The following F3 variants were observed in gnomAD, a reference collection of about 807,000 sequenced individuals.
The protein encoded by F3 is coagulation factor III, tissue factor, also known as tissue factor.
Under a neutral mutation model 33.5 loss-of-function variants are expected in F3, and 18 were observed. The observed-to-expected ratio is 0.54, with a 90% CI of 0.37 to 0.80. F3 has a LOEUF of 0.80. Ranked by LOEUF, F3 falls within the 30% of genes least tolerant of loss-of-function variation. The pLI is 0.00. For missense variants in F3, 353 were observed against 362.1 expected, an observed-to-expected ratio of 0.97 and a Z score of 0.20; for synonymous variants, 147 against 140.7, an observed-to-expected ratio of 1.05 and a Z score of -0.32.
rs3917632 is a variant in F3, at chr1:94,530,222, G to A, written c.*238C>T. ...GCATGTTATGTGCAAAAGGTGCCAT[G>A]GTGTTAAAAATTAAAACTTGGAATT... is the stretch of plus-strand genomic sequence containing the variant. On this transcript the variant is annotated 3_prime_UTR_variant, in exon 6 of 6. Coordinates refer to ENST00000334047, the MANE Select transcript of F3 (RefSeq NM_001993.5). 9.6e-3 allele frequency: 4,189 copies of A among 437,254 alleles called. 177 individuals are homozygous for A. The highest frequency in any genetic ancestry group is 0.075 in the African/African-American group (3,807 of 51,010). 27.1% of individuals were successfully genotyped at this position (437,254 alleles called of 1,614,324 possible).
At chr1:94,537,267 C>T (rs1651633222) in intron 2 of F3, among the ~76,000 whole-genome samples, 1 of 152,210 alleles carries the variant, frequency 6.6e-6, no homozygotes, top group Admixed American at 6.5e-5. Flanking sequence ...TGAAGCGTCA[C>T]TGCAACTTGA....
rs1467824479 is a variant in F3 at position 94,536,046 on chromosome 1, G to A, written c.331C>T (p.Pro111Ser). Residue 111 changes from proline (P) to serine (S), a missense_variant, in exon 3 of 6, where the codon CCG (proline) becomes TCG (serine). Physicochemically the swap from Pro to Ser is moderately conservative, Grantham distance 74. Transcript: ENST00000334047. ...CCGGTGCTCTCCACATTCCCTGCCG[G>A]GTAGGAGAAGACCCGTGCCAAGTAC... ...QTYLARVFSY[P>S]AGNVESTGSA... The A allele has an allele frequency of 1.2e-6, 2 of 1,614,074 alleles. No individual in the cohort carries two copies. Among genetic ancestry groups the A allele is most frequent in the Non-Finnish European group, 1.7e-6 (2 of 1,180,008 alleles).
intron 4 of F3, 107 bp from the exon 5 acceptor site, chr1:94,532,587 G>T: frequency 8.5e-7 from 1 of 1,176,442 alleles, no homozygotes; most frequent in African/African-American, 1.5e-5. Flanking sequence ...AAGCCTACAA[G>T]AACACAGCTG....
Position 94,541,648 on chromosome 1 carries a change from G to A in F3, c.-12C>T. The A allele has an allele frequency of 7.2e-7, 1 of 1,394,678 alleles. No individual in the cohort carries two copies. The highest frequency in any genetic ancestry group is 9.4e-7 in the Non-Finnish European group (1 of 1,067,336). The allele number at this position is 1,394,678 out of a possible 1,614,324, so 86.4% of individuals were successfully genotyped here. A position where few individuals can be genotyped will look rare whatever the true frequency, so the allele number is the denominator to read the frequency against. Reference sequence around the variant, plus strand: ...GCAGGGGTCTCCATGTCTACCAGTTGGCGGCGAGATCGAGCGGGTTCCGTG... The same window carrying A: ...GCAGGGGTCTCCATGTCTACCAGTTAGCGGCGAGATCGAGCGGGTTCCGTG... On this transcript the variant is annotated 5_prime_UTR_variant, in exon 1 of 6. Transcript: ENST00000334047.
Position 94,530,144 on chromosome 1 carries a change from G to T in F3, c.*316C>A. On this transcript the variant is annotated 3_prime_UTR_variant, in exon 6 of 6. Transcript: ENST00000334047. ...GATTTTTTAAGACATTTTCCCATTTGTTTTTGCTTGGACGACCTGGTTACT... is the reference window on the plus strand; with the variant it reads ...GATTTTTTAAGACATTTTCCCATTTTTTTTTGCTTGGACGACCTGGTTACT... The T allele has an allele frequency of 6.2e-6, 1 of 160,014 alleles. No homozygotes were observed. Among genetic ancestry groups the T allele is most frequent in the Non-Finnish European group, 1.3e-5 (1 of 77,250 alleles). The allele number at this position is 160,014 out of a possible 1,614,324, so 9.9% of individuals were successfully genotyped here.
chr1:94,541,126 T>C (rs1379867065), intron 1 of F3: 1 of 167,910 alleles, frequency 6.0e-6, no homozygotes, highest in Non-Finnish European at 1.3e-5. Flanking sequence ...AAGATGCACA[T>C]ATAATGAAAG....
chr1:94,533,350 C>G, intron 3 of F3, 82 bp from the exon 4 acceptor site: 2 of 1,489,768 alleles, frequency 1.3e-6, no homozygotes, highest in South Asian at 1.2e-5. Context: ...CAATTGACAA[C>G]TTAATTATCT....
chr1:94,532,918 G>A, intron 4 of F3, 172 bp downstream of exon 4: 1 of 665,306 alleles, frequency 1.5e-6, no homozygotes, highest in Non-Finnish European at 2.5e-6. Context: ...AGAGTCACAG[G>A]TAGGACCAGG....
At chr1:94,539,982 A>G (rs1327387957) in intron 2 of F3, among the ~76,000 whole-genome samples, 2 of 152,212 alleles carry the variant, frequency 1.3e-5, no homozygotes, top group South Asian at 2.1e-4. Flanking sequence ...CCTACTCAAG[A>G]TGGTTCATCT....
At position 94,541,603 on chromosome 1, in the gene F3, G is replaced by C. The variant is rs937132061; in HGVS notation, c.34C>G (p.Pro12Ala). 2.7e-6 allele frequency: 4 copies of C among 1,463,538 alleles called. No homozygotes were observed. Among genetic ancestry groups the C allele is most frequent in the Non-Finnish European group, 2.7e-6 (3 of 1,107,238 alleles). 90.7% of individuals were successfully genotyped at this position (1,463,538 alleles called of 1,614,324 possible). Residue 12 changes from proline (P) to alanine (A), a missense_variant, in exon 1 of 6, where the codon CCC becomes GCC. Transcript: ENST00000334047. ...AGCGTCCGAGCGACGGCGGTCTCGG[G>C]GCGCGGGACCCGGGGCCAGGCAGGG... ...ETPAWPRVPR[P>A]ETAVARTLLL...
At chr1:94,532,513 G>T in intron 4 of F3, 33 bp from the exon 5 acceptor site, 1 of 1,608,234 alleles carries the variant, frequency 6.2e-7, no homozygotes, top group Non-Finnish European at 8.5e-7. Flanking sequence ...ATTCATCTGG[G>T]CTCTGAGTCA....
At chr1:94,539,640 G>T (rs1368481150) in intron 2 of F3, among the ~76,000 whole-genome samples, 37 of 152,116 alleles carry the variant, frequency 2.4e-4, no homozygotes, top group Non-Finnish European at 2.9e-5. Flanking sequence ...TCGCCTCCTG[G>T]GGACAGCTGC....
At chr1:94,539,408 C>G (rs1035366681) in intron 2 of F3, among the ~76,000 whole-genome samples, 4 of 152,204 alleles carry the variant, frequency 2.6e-5, no homozygotes, top group Admixed American at 6.5e-5. Context: ...AGGCCTGGCA[C>G]AAGCTAAAAC....
In F3 at chr1:94,536,098, GT is replaced by G. The variant is rs1355195413; in HGVS notation, c.278del (p.Asp93AlafsTer4). 6.2e-7 allele frequency: 1 copy of G among 1,614,082 alleles called. No individual in the cohort carries two copies. The highest frequency in any genetic ancestry group is 8.5e-7 in the Non-Finnish European group (1 of 1,179,990). ...YTTDTECDLT[D>X]EIVKDVKQTY... ...TCTGCTTCACATCCTTCACAATCTC[GT>G]CGGTGAGGTCACACTCTGTGTCTGT... On this transcript the variant is annotated frameshift_variant, in exon 3 of 6. Transcript: ENST00000334047. LOFTEE classifies it high-confidence loss of function.
chr1:94,531,028 T>C (rs1231466141), intron 5 of F3, among the ~76,000 whole-genome samples: 3 of 152,096 alleles, frequency 2.0e-5, no homozygotes, highest in Non-Finnish European at 2.9e-5. Flanking sequence ...CTGGTGGAAG[T>C]GGCGTTTGAA....
rs1256198341 is a variant in F3, at chr1:94,530,394, T to C, written c.*66A>G. 3.1e-6 allele frequency: 5 copies of C among 1,598,374 alleles called. No individual in the cohort carries two copies. Among genetic ancestry groups the C allele is most frequent in the African/African-American group, 1.3e-5 (1 of 74,600 alleles). On this transcript the variant is annotated 3_prime_UTR_variant, in exon 6 of 6. Transcript: ENST00000334047. ...TACTCATTTGCGTTTCCATGTATTCTATCCTCTTAAAAGTTCTCGGTCACA... is the reference window on the plus strand; with the variant it reads ...TACTCATTTGCGTTTCCATGTATTCCATCCTCTTAAAAGTTCTCGGTCACA...
At chr1:94,535,915 T>C in intron 3 of F3, 50 bp downstream of exon 3, 1 of 1,541,116 alleles carries the variant, frequency 6.5e-7, no homozygotes, top group South Asian at 1.1e-5. Context: ...CACGAGAATG[T>C]TCAGACGTTT....
intron 3 of F3, among the ~76,000 whole-genome samples, chr1:94,533,694 G>C (rs964831431): frequency 6.6e-6 from 1 of 151,840 alleles, no homozygotes; most frequent in African/African-American, 2.4e-5. Context: ...TCCTGCCGTG[G>C]CCCCTGCTCT....
intron 3 of F3, among the ~76,000 whole-genome samples, chr1:94,534,322 C>A (rs565005225): frequency 8.5e-5 from 13 of 152,232 alleles, no homozygotes; most frequent in Admixed American, 4.6e-4. Flanking sequence ...GATAGGTAGG[C>A]TATTAGTAGT....
Sources: gnomAD v4.1 joint callset for allele counts (sites outside exome capture counted in the v4.1 genomes callset) on GRCh38, gnomAD v4.1.1 for gene constraint, MANE v1.5 for transcripts, NCBI Gene and HGNC (gene_info 2026-07-23, HGNC 2026-07-21) for gene names.